EFNA5: variants seen among roughly 807,000 people sequenced by gnomAD.
EFNA5 encodes the protein ephrin-A5.
EFNA5 carries 5 observed loss-of-function variants against 22.9 expected under a neutral mutation model. The observed-to-expected ratio is 0.22, with a 90% confidence interval of 0.11 to 0.46. The LOEUF (loss-of-function observed/expected upper bound fraction) is 0.46. Ranked by LOEUF, EFNA5 falls within the 20% of genes least tolerant of loss-of-function variation. The probability of loss-of-function intolerance (pLI) is 0.99; values close to 1 mark genes in which losing one functional copy is unlikely to be tolerated. For missense variants in EFNA5, 237 were observed against 293.3 expected (o/e 0.81, Z 1.40); for synonymous variants, 113 against 112.2 (o/e 1.01, Z -0.04).
At chr5:107,667,859 A>C (rs1018850961) in intron 1 of EFNA5, among the ~76,000 whole-genome samples, 1 of 152,186 alleles carries the variant, frequency 6.6e-6, no homozygotes, top group African/African-American at 2.4e-5. Flanking sequence ...TGAATTTATA[A>C]AATTTACTAA....
intron 1 of EFNA5, among the ~76,000 whole-genome samples, chr5:107,562,494 T>G (rs1227934783): frequency 6.6e-6 from 1 of 152,190 alleles, no homozygotes; most frequent in African/African-American, 2.4e-5. Context: ...AGCAACAGTA[T>G]TTCTGTAACA....
chr5:107,396,027 A>T (rs1747914775), intron 2 of EFNA5, among the ~76,000 whole-genome samples: 1 of 152,230 alleles, frequency 6.6e-6, no homozygotes, highest in South Asian at 2.1e-4. Flanking sequence ...CTCATTCGTA[A>T]GATATTAACA....
At chr5:107,607,497 G>T (rs771527062) in intron 1 of EFNA5, among the ~76,000 whole-genome samples, 1 of 152,118 alleles carries the variant, frequency 6.6e-6, no homozygotes, top group Non-Finnish European at 1.5e-5. Flanking sequence ...CCTTTAAAAC[G>T]AATTATATTT....
Position 107,670,489 on chromosome 5 carries a change from C to T in EFNA5, c.125G>A (p.Arg42Lys), listed in dbSNP as rs1160522580. The part of the protein sequence containing the change: ...YAVYWNSSNP[R>K]FQRGDYHIDV... Reference sequence around the variant, plus strand: ...GGCTCTCCGCCTGTTATCGGCTTACCTGGGGTTGCTGCTGTTCCAGTAGAC... The same window carrying T: ...GGCTCTCCGCCTGTTATCGGCTTACTTGGGGTTGCTGCTGTTCCAGTAGAC... The change falls in exon 1 of 5, where the codon AGA becomes AAA. Residue 42 changes from arginine to lysine, a missense_variant and splice_region_variant. Physicochemically the swap from Arg to Lys is conservative, Grantham distance 26. Transcript: ENST00000333274. 1.9e-6 allele frequency: 3 copies of T among 1,563,204 alleles called. No homozygotes were observed. In the Admixed American group the frequency reaches 5.6e-5, roughly 29 times the overall value.
intron 1 of EFNA5, among the ~76,000 whole-genome samples, chr5:107,516,323 C>A (rs1186538285): frequency 1.3e-5 from 2 of 152,044 alleles, no homozygotes; most frequent in South Asian, 2.1e-4. Flanking sequence ...TAGGCCTGAG[C>A]CACCATGCCT....
chr5:107,575,435 T>A (rs1748908590), intron 1 of EFNA5, among the ~76,000 whole-genome samples: 1 of 152,212 alleles, frequency 6.6e-6, no homozygotes, highest in African/African-American at 2.4e-5. Flanking sequence ...AAAAACCTTT[T>A]CTAGTAATCC....
intron 1 of EFNA5, among the ~76,000 whole-genome samples, chr5:107,610,087 C>T (rs1341817329): frequency 6.6e-6 from 1 of 152,178 alleles, no homozygotes; most frequent in African/African-American, 2.4e-5. Context: ...AAATTCTCTT[C>T]TATTATTTCC....
In EFNA5 at chr5:107,626,608, G is replaced by A. The variant is rs1405963664; in HGVS notation, c.125+43881C>T. On this transcript the variant is annotated intron_variant, in intron 1 of 4. Transcript: ENST00000333274. ...TTTTCTGTAAATTGCTAATGAGAAT[G>A]AAACATGTATGCTGTGGACAGAAGC... is the stretch of plus-strand genomic sequence containing the variant. Among the ~76,000 whole-genome samples, 3 of 152,260 alleles carry A rather than the reference G, an allele frequency of 2.0e-5. No individual in the cohort carries two copies. In the East Asian group the frequency reaches 5.8e-4, roughly 29 times the overall value.
At chr5:107,449,449 T>C (rs1580458683) in intron 1 of EFNA5, among the ~76,000 whole-genome samples, 1 of 151,756 alleles carries the variant, frequency 6.6e-6, no homozygotes, top group African/African-American at 2.4e-5. Context: ...TGACAACTAA[T>C]AGAAATGTCA....
chr5:107,572,970 T>C (rs969372750), intron 1 of EFNA5, among the ~76,000 whole-genome samples: 3 of 152,160 alleles, frequency 2.0e-5, no homozygotes, highest in Non-Finnish European at 4.4e-5. Context: ...TCATCATCAA[T>C]TGGAGACGCT....
At chr5:107,575,546 G>A (rs1364640437) in intron 1 of EFNA5, among the ~76,000 whole-genome samples, 2 of 152,096 alleles carry the variant, frequency 1.3e-5, no homozygotes, top group Non-Finnish European at 2.9e-5. Context: ...ATTTTCTCAA[G>A]TTGGTGAAAA....
intron 1 of EFNA5, among the ~76,000 whole-genome samples, chr5:107,446,081 T>C (rs541297739): frequency 1.1e-4 from 16 of 152,290 alleles, no homozygotes; most frequent in Non-Finnish European, 2.1e-4. Context: ...GCACATTCCA[T>C]GACCTCTCCA....
At chr5:107,522,052 T>C (rs1452905168) in intron 1 of EFNA5, among the ~76,000 whole-genome samples, 1 of 152,182 alleles carries the variant, frequency 6.6e-6, no homozygotes, top group Non-Finnish European at 1.5e-5. Flanking sequence ...CCTAACAATA[T>C]TATATAGCAA....
At chr5:107,566,028 C>A (rs1748659986) in intron 1 of EFNA5, among the ~76,000 whole-genome samples, 1 of 152,168 alleles carries the variant, frequency 6.6e-6, no homozygotes, top group Non-Finnish European at 1.5e-5. Context: ...CTTTGACCCC[C>A]AACCCTGTCT....
In EFNA5 at chr5:107,543,540, A is replaced by G. The variant is rs545976269; in HGVS notation, c.126-116031T>C. Among the ~76,000 whole-genome samples, 3 of 152,262 alleles carry G rather than the reference A, an allele frequency of 2.0e-5. No individual in the cohort carries two copies. The East Asian group carries it at 5.8e-4, about 29-fold the overall frequency. On this transcript the variant is annotated intron_variant, in intron 1 of 4. Transcript: ENST00000333274. ...TGTTTTCAGTGTTCTTAATTTAGCT[A>G]TTTTCCATTAACTTACTATTGTCAT...
intron 4 of EFNA5, among the ~76,000 whole-genome samples, chr5:107,386,033 C>T (rs1747609606): frequency 6.7e-6 from 1 of 150,150 alleles, no homozygotes; most frequent in African/African-American, 2.5e-5. Flanking sequence ...ACAGCATTTA[C>T]TCAGGGTAAG....
intron 1 of EFNA5, among the ~76,000 whole-genome samples, chr5:107,655,528 A>G (rs1477942643): frequency 6.6e-6 from 1 of 152,128 alleles, no homozygotes; most frequent in Non-Finnish European, 1.5e-5. Flanking sequence ...TCTGCCCACC[A>G]ACATCACTAA....
intron 1 of EFNA5, among the ~76,000 whole-genome samples, chr5:107,644,690 T>G (rs1189341071): frequency 7.2e-6 from 1 of 139,262 alleles, no homozygotes; most frequent in Non-Finnish European, 1.7e-5. Context: ...TACTGTCTAC[T>G]TTTTTCTGTT....
intron 1 of EFNA5, among the ~76,000 whole-genome samples, chr5:107,462,332 G>A (rs987422275): frequency 1.3e-5 from 2 of 152,124 alleles, no homozygotes; most frequent in Non-Finnish European, 2.9e-5. Context: ...ATCATCTTTT[G>A]TTTATATAAA....
Sources: allele counts gnomAD v4.1 joint callset (sites outside exome capture counted in the v4.1 genomes callset), GRCh38; gene constraint gnomAD v4.1.1; transcripts MANE v1.5; gene names NCBI Gene and HGNC (gene_info 2026-07-23, HGNC 2026-07-21).